The following PCDH7 variants were observed in gnomAD, a reference collection of about 807,000 sequenced individuals.
The protein encoded by PCDH7 is protocadherin 7, also known as protocadherin-7.
In PCDH7, 17 loss-of-function variants were observed where a neutral mutation model predicts 58.9. That is an observed-to-expected ratio of 0.29 (90% CI 0.20 to 0.43). The LOEUF is 0.43. Ranked by LOEUF, PCDH7 falls within the 20% of genes least tolerant of loss-of-function variation. The pLI, the probability that PCDH7 is intolerant of heterozygous loss-of-function variation, is 1.00. For missense variants in PCDH7, 1,274 were observed against 1,441.0 expected, an observed-to-expected ratio of 0.88 and a Z score of 1.88; for synonymous variants, 664 against 616.4, an observed-to-expected ratio of 1.08 and a Z score of -1.14.
intron 1 of PCDH7, among the ~76,000 whole-genome samples, chr4:30,743,772 C>A (rs943913547): frequency 2.0e-5 from 3 of 151,974 alleles, no homozygotes; most frequent in Non-Finnish European, 2.9e-5. Flanking sequence ...GCTCAAACTA[C>A]TTTATGTTTT....
intron 3 of PCDH7, among the ~76,000 whole-genome samples, chr4:31,106,086 G>T (rs115539463): frequency 6.6e-6 from 1 of 151,604 alleles, no homozygotes; most frequent in African/African-American, 2.4e-5. Flanking sequence ...CAGGAGTATT[G>T]TATTAACTTT....
intron 3 of PCDH7, among the ~76,000 whole-genome samples, chr4:31,113,922 T>C (rs1716666829): frequency 7.1e-6 from 1 of 140,906 alleles, no homozygotes; most frequent in South Asian, 2.5e-4. Flanking sequence ...AACCTCCACC[T>C]CCCAGGTTCA....
intron 3 of PCDH7, among the ~76,000 whole-genome samples, chr4:31,081,937 T>C (rs546141136): frequency 1.9e-4 from 29 of 152,240 alleles, no homozygotes; most frequent in African/African-American, 6.0e-4. Context: ...CAAGGCCAGC[T>C]AATTTTTGTA....
chr4:31,068,047 C>A (rs1447619714), intron 3 of PCDH7, among the ~76,000 whole-genome samples: 2 of 151,948 alleles, frequency 1.3e-5, no homozygotes, highest in Non-Finnish European at 2.9e-5. Context: ...GCAGTCCATA[C>A]ATAATTATAG....
chr4:31,060,133 A>G (rs1401364339), intron 3 of PCDH7, among the ~76,000 whole-genome samples: 1 of 151,794 alleles, frequency 6.6e-6, no homozygotes, highest in Non-Finnish European at 1.5e-5. Flanking sequence ...TAAAGTATAA[A>G]TCAGTGGCAT....
intron 3 of PCDH7, among the ~76,000 whole-genome samples, chr4:31,044,778 C>T (rs1355276671): frequency 6.6e-6 from 1 of 151,852 alleles, no homozygotes; most frequent in African/African-American, 2.4e-5. Context: ...GCTTGGAGTC[C>T]TTTCTTAGGA....
At chr4:30,987,446 G>A (rs1751076846) in intron 3 of PCDH7, 1 of 152,000 alleles carries the variant, frequency 6.6e-6, no homozygotes, top group Non-Finnish European at 1.5e-5. Flanking sequence ...GCTATAAAAT[G>A]AGGTGGATAT....
chr4:31,111,183 C>T (rs1267955416), intron 3 of PCDH7, among the ~76,000 whole-genome samples: 1 of 151,936 alleles, frequency 6.6e-6, no homozygotes, highest in African/African-American at 2.4e-5. Flanking sequence ...AACAAATATC[C>T]TTGATGTACC....
At chr4:30,942,180 T>G (rs189312406) in intron 2 of PCDH7, among the ~76,000 whole-genome samples, 1 of 152,068 alleles carries the variant, frequency 6.6e-6, no homozygotes, top group Non-Finnish European at 1.5e-5. Context: ...AATAAATGAA[T>G]ATTCGAATCA....
At chr4:31,097,611 T>C (rs1167612131) in intron 3 of PCDH7, among the ~76,000 whole-genome samples, 1 of 33,542 alleles carries the variant, frequency 3.0e-5, no homozygotes, top group African/African-American at 2.8e-4. Flanking sequence ...TATATATATA[T>C]ATATATATAT....
At chr4:30,745,621 G>T (rs1306276991) in intron 1 of PCDH7, among the ~76,000 whole-genome samples, 1 of 151,996 alleles carries the variant, frequency 6.6e-6, no homozygotes, top group Non-Finnish European at 1.5e-5. Context: ...AACAATCCTG[G>T]TCGACTTTTC....
intron 3 of PCDH7, among the ~76,000 whole-genome samples, chr4:30,997,960 A>C (rs1752048785): frequency 6.6e-6 from 1 of 152,078 alleles, no homozygotes; most frequent in African/African-American, 2.4e-5. Context: ...TAAAGGAACC[A>C]AGTGTTAATT....
chr4:31,099,630 A>G (rs1424480487), intron 3 of PCDH7, among the ~76,000 whole-genome samples: 1 of 152,080 alleles, frequency 6.6e-6, no homozygotes, highest in Non-Finnish European at 1.5e-5. Context: ...ATTCTTATTA[A>G]AAGTTGAGAA....
In PCDH7 at chr4:30,799,880, G is replaced by A. The variant is rs367724702; in HGVS notation, c.70+75284G>A. ...CACTTTTTTTTTTTTTGGACACGGA[G>A]TCTCACTCTGTCACCCAGGCTGGAG... On this transcript the variant is annotated intron_variant, in intron 1 of 3. Transcript: ENST00000509759. 1.1e-3 allele frequency among the ~76,000 whole-genome samples: 159 copies of A among 149,692 alleles called. 1 individual carries two copies. Among genetic ancestry groups the A allele is most frequent in the African/African-American group, 3.7e-3 (152 of 40,712 alleles).
At chr4:30,740,207 A>G (rs552327156) in intron 1 of PCDH7, among the ~76,000 whole-genome samples, 22 of 152,252 alleles carry the variant, frequency 1.4e-4, no homozygotes, top group African/African-American at 4.1e-4. Flanking sequence ...GAACACATCT[A>G]TTTTACAGCC....
At chr4:30,996,770 A>AGTGC (rs1751936264) in intron 3 of PCDH7, among the ~76,000 whole-genome samples, 1 of 152,262 alleles carries the variant, frequency 6.6e-6, no homozygotes. Context: ...TGATGAGAAC[A>AGTGC]GTGCTTAGGA....
intron 1 of PCDH7, among the ~76,000 whole-genome samples, chr4:30,793,236 C>A (rs1289529287): frequency 6.6e-6 from 1 of 152,102 alleles, no homozygotes; most frequent in Non-Finnish European, 1.5e-5. Context: ...AACACAGAAT[C>A]TTTTTATCTT....
At chr4:30,899,410 T>A (rs6844992) in intron 1 of PCDH7, among the ~76,000 whole-genome samples, 5,585 of 152,282 alleles carry the variant, frequency 0.037, 328 homozygotes, top group African/African-American at 0.13. Flanking sequence ...ATCCCTTGTC[T>A]AATTTCCTAT....
chr4:30,803,651 C>T (rs546033490), intron 1 of PCDH7, among the ~76,000 whole-genome samples: 32 of 152,282 alleles, frequency 2.1e-4, no homozygotes, highest in Middle Eastern at 6.8e-3. Context: ...GTTACCCAGG[C>T]TGGCCTTGAA....
Sources: allele counts gnomAD v4.1 joint callset (sites outside exome capture counted in the v4.1 genomes callset), GRCh38; gene constraint gnomAD v4.1.1; transcripts MANE v1.5; gene names NCBI Gene and HGNC (gene_info 2026-07-23, HGNC 2026-07-21).